SCARA5: variants seen among roughly 807,000 people sequenced by gnomAD.
SCARA5 encodes the protein scavenger receptor class A member 5, also known as scavenger receptor class A, member 5 (putative).
A neutral mutation model predicts 46.3 loss-of-function variants in SCARA5; 45 were observed. The observed-to-expected ratio is 0.97, with a 90% CI of 0.76 to 1.24. SCARA5 has a LOEUF of 1.24. Ranked by LOEUF, SCARA5 falls within the 50% of genes most tolerant of loss-of-function variation. The pLI, the probability that SCARA5 is intolerant of heterozygous loss-of-function variation, is 0.00. For missense variants in SCARA5, 680 were observed against 689.0 expected, an observed-to-expected ratio of 0.99 and a Z score of 0.15; for synonymous variants, 333 against 306.5, an observed-to-expected ratio of 1.09 and a Z score of -0.90.
Position 27,985,231 on chromosome 8 carries a change from G to C in SCARA5, c.112+2273C>G, listed in dbSNP as rs140074201. 2.2e-3 allele frequency among the ~76,000 whole-genome samples: 328 copies of C among 152,222 alleles called. 4 individuals are homozygous for C. The highest frequency in any genetic ancestry group is 5.7e-3 in the Admixed American group (87 of 15,294). ...CAGGGAAAGGGGGATGGAAACTCAG[G>C]CCTCGCAGAAGGTGGGAGCTGAGCT... On this transcript the variant is annotated intron_variant, in intron 2 of 8. Transcript: ENST00000354914.
chr8:27,879,898 G>GCC (rs1328618684), intron 7 of SCARA5, 132 bp from the exon 8 acceptor site: 4 of 813,268 alleles, frequency 4.9e-6, no homozygotes, highest in Admixed American at 2.6e-5. Flanking sequence ...CAAGACTTCA[G>GCC]CCCCCAAATC....
rs1807286799 is a variant in SCARA5, at chr8:27,907,574, T to C, written c.998-328A>G. 6.8e-5 allele frequency among the ~76,000 whole-genome samples: 2 copies of C among 29,554 alleles called. 1 individual carries two copies. Among genetic ancestry groups the C allele is most frequent in the East Asian group, 1.7e-3 (2 of 1,178 alleles). The allele number at this position is 29,554 out of a possible 152,430, so 19.4% of individuals were successfully genotyped here. A position where few individuals can be genotyped will look rare whatever the true frequency, so the allele number is the denominator to read the frequency against. ...TGGAGACTTAGAATCAGCAAACACT[T>C]TTTTTTTTTTTTTTTTTTGAGACAA... is the stretch of plus-strand genomic sequence containing the variant. On this transcript the variant is annotated intron_variant, in intron 5 of 8. Coordinates refer to ENST00000354914, the MANE Select transcript of SCARA5 (RefSeq NM_173833.6).
In SCARA5 at chr8:27,871,962, T is replaced by C. The variant is rs1300449875; in HGVS notation, c.1460A>G (p.Asp487Gly). 2 of 1,614,136 alleles carry C rather than the reference T, an allele frequency of 1.2e-6. No individual in the cohort carries two copies. The highest frequency in any genetic ancestry group is 2.2e-5 in the South Asian group (2 of 91,086). Reference protein sequence around the residue: ...WGVTNCGHAEDASVTCNRH With the variant: ...WGVTNCGHAEGASVTCNRH ...GTGTCTGTTGCATGTCACGCTGGCA[T>C]CTTCGGCATGTCCACAGTTTGTCAC... Residue 487 changes from aspartate to glycine, a missense_variant, in exon 9 of 9, where the codon GAT becomes GGT. This residue lies in a region of SCARA5 where 219 missense variants were observed against 269.5 expected (regional missense o/e 0.81). Transcript: ENST00000354914.
At chr8:27,892,848 C>T (rs962497592) in intron 7 of SCARA5, among the ~76,000 whole-genome samples, 5 of 152,130 alleles carry the variant, frequency 3.3e-5, no homozygotes, top group East Asian at 3.9e-4. Context: ...CCTCGTGATC[C>T]GCCTGCCTGG....
chr8:27,887,396 T>C (rs1384156571), intron 7 of SCARA5, among the ~76,000 whole-genome samples: 1 of 152,300 alleles, frequency 6.6e-6, no homozygotes, highest in East Asian at 1.9e-4. Flanking sequence ...GACTGGGGTC[T>C]ACCTGTCCAT....
intron 3 of SCARA5, among the ~76,000 whole-genome samples, chr8:27,937,519 ACTCT>A (rs545706684): frequency 5.3e-4 from 81 of 151,662 alleles, no homozygotes; most frequent in African/African-American, 1.8e-3. Flanking sequence ...TCCTGATTTC[ACTCT>A]CTCTAAGTCC....
At chr8:27,901,357 G>A (rs1011663565) in intron 7 of SCARA5, among the ~76,000 whole-genome samples, 53 of 152,268 alleles carry the variant, frequency 3.5e-4, no homozygotes, top group African/African-American at 1.2e-3. Context: ...CCTGGTTAGC[G>A]GCTCTTCCCG....
chr8:27,991,463 T>G (rs1381729839), intron 1 of SCARA5, among the ~76,000 whole-genome samples: 1 of 152,196 alleles, frequency 6.6e-6, no homozygotes, highest in Non-Finnish European at 1.5e-5. Context: ...GAATGCACTC[T>G]AGGGCTGATA....
intron 2 of SCARA5, among the ~76,000 whole-genome samples, chr8:27,981,644 G>C (rs1260783634): frequency 6.6e-6 from 1 of 152,228 alleles, no homozygotes; most frequent in Non-Finnish European, 1.5e-5. Context: ...ACTCGTGTGT[G>C]CACCATGGTT....
chr8:27,990,602 G>A (rs1474796000), intron 1 of SCARA5, among the ~76,000 whole-genome samples: 1 of 152,188 alleles, frequency 6.6e-6, no homozygotes, highest in East Asian at 1.9e-4. Context: ...TTCCTACACA[G>A]GGCACTGGCT....
intron 1 of SCARA5, among the ~76,000 whole-genome samples, chr8:27,990,544 C>T (rs1237095570): frequency 6.6e-6 from 1 of 152,110 alleles, no homozygotes; most frequent in Non-Finnish European, 1.5e-5. Context: ...ACCAAAGAGG[C>T]AAAGGAAGGA....
intron 2 of SCARA5, among the ~76,000 whole-genome samples, chr8:27,971,004 T>A (rs1352043687): frequency 1.3e-5 from 2 of 152,234 alleles, no homozygotes; most frequent in Admixed American, 1.3e-4. Flanking sequence ...TTATAATAGA[T>A]GCTGGGGAAT....
intron 7 of SCARA5, among the ~76,000 whole-genome samples, chr8:27,881,118 TG>T (rs1415995495): frequency 2.6e-5 from 4 of 152,182 alleles, no homozygotes; most frequent in Admixed American, 2.6e-4. Flanking sequence ...GTTCAGCCAC[TG>T]TGGAAAGCAG....
At chr8:27,929,682 C>A (rs1807738386) in intron 3 of SCARA5, among the ~76,000 whole-genome samples, 1 of 152,170 alleles carries the variant, frequency 6.6e-6, no homozygotes, top group South Asian at 2.1e-4. Context: ...GTCCTCCAAA[C>A]CTACTGCTGG....
chr8:27,980,124 T>C (rs1403266035), intron 2 of SCARA5, among the ~76,000 whole-genome samples: 2 of 152,178 alleles, frequency 1.3e-5, no homozygotes, highest in Non-Finnish European at 2.9e-5. Context: ...GCAGAAGTCA[T>C]GGAGCCCTAT....
In SCARA5 at chr8:27,916,684, C is replaced by T. The variant is rs545988813; in HGVS notation, c.916+4887G>A. Among the ~76,000 whole-genome samples, 6 of 152,204 alleles carry T rather than the reference C, an allele frequency of 3.9e-5. No individual in the cohort carries two copies. In the South Asian group the frequency reaches 1.2e-3, roughly 32 times the overall value. On this transcript the variant is annotated intron_variant, in intron 4 of 8. Transcript: ENST00000354914. Reference sequence around the variant, plus strand: ...TGCATGGTAAATACGTTCAGATATACCAGCAGGAATCTTTTTAATAATAAT... The same window carrying T: ...TGCATGGTAAATACGTTCAGATATATCAGCAGGAATCTTTTTAATAATAAT...
rs189188299 is a variant in SCARA5, at chr8:27,963,812, G to A, written c.241+2602C>T. Among the ~76,000 whole-genome samples the A allele has an allele frequency of 1.4e-4, 21 of 152,256 alleles. No homozygotes were observed. The East Asian group carries it at 2.7e-3, about 20-fold the overall frequency. On this transcript the variant is annotated intron_variant, in intron 3 of 8. Coordinates refer to ENST00000354914, the MANE Select transcript of SCARA5 (RefSeq NM_173833.6). ...CAGTAAGAGTAAGCATTTGCACACCGAGATGTTGCTAATCCCATATTCAGA... is the reference window on the plus strand; with the variant it reads ...CAGTAAGAGTAAGCATTTGCACACCAAGATGTTGCTAATCCCATATTCAGA...
In SCARA5 at chr8:27,922,166, G is replaced by A. The variant is rs1807607462; in HGVS notation, c.321C>T (p.Asp107=). Residue 107 remains aspartate (D), a synonymous_variant, in exon 4 of 9, where the codon GAC becomes GAT. Coordinates refer to ENST00000354914, the MANE Select transcript of SCARA5 (RefSeq NM_173833.6). ...GAGCCTGCAGCAGCCGCAGCTGCAA[G>A]TCCCGGAAGCTCTCATTCAGCCGGT... The part of the protein sequence containing the change: ...NVNRLNESFR[D]LQLRLLQAPL... 6.2e-7 allele frequency: 1 copy of A among 1,607,864 alleles called. No homozygotes were observed. The highest frequency in any genetic ancestry group is 1.1e-5 in the South Asian group (1 of 89,680).
chr8:27,874,997 C>T (rs1300965460), intron 8 of SCARA5, among the ~76,000 whole-genome samples: 1 of 152,210 alleles, frequency 6.6e-6, no homozygotes, highest in African/African-American at 2.4e-5. Flanking sequence ...CCCATGCAAA[C>T]AGAAAATCTG....
Sources: gnomAD v4.1 joint callset for allele counts (sites outside exome capture counted in the v4.1 genomes callset) on GRCh38, gnomAD v4.1.1 for gene constraint, gnomAD v4.1.1 regional missense constraint, MANE v1.5 for transcripts, NCBI Gene and HGNC (gene_info 2026-07-23, HGNC 2026-07-21) for gene names.